The following APOO variants were observed in gnomAD, a reference collection of about 807,000 sequenced individuals.
The protein encoded by APOO is MICOS complex subunit MIC26.
A neutral mutation model predicts 23.1 loss-of-function variants in APOO; 11 were observed. The ratio of observed to expected loss-of-function variants is 0.48; its 90% confidence interval spans 0.30 to 0.79. APOO has a LOEUF of 0.79. Among genes scored for constraint, APOO ranks in the 30% least tolerant of loss-of-function variants. The pLI is 0.07. For synonymous variants in APOO, 59 were observed against 54.8 expected (o/e 1.08, Z -0.34); for missense variants, 160 against 142.7 (o/e 1.12, Z -0.62).
intron 1 of APOO, among the ~76,000 whole-genome samples, chrX:23,887,087 GT>G (rs1413653571): frequency 9.1e-6 from 1 of 110,194 alleles, no homozygotes; most frequent in Non-Finnish European, 1.9e-5. Flanking sequence ...CTTTCCTCCT[GT>G]TCGCACTCTG....
intron 7 of APOO, among the ~76,000 whole-genome samples, chrX:23,848,852 A>AT (rs773306111): frequency 0.017 from 1,077 of 63,605 alleles, 34 homozygotes; most frequent in African/African-American, 0.027. Context: ...TGCGCGGCTG[A>AT]TTTTTTTTTT....
intron 4 of APOO, among the ~76,000 whole-genome samples, chrX:23,872,334 C>G (rs1448806253): frequency 9.1e-6 from 1 of 109,839 alleles, no homozygotes; most frequent in African/African-American, 3.3e-5. Context: ...GAGGTTGAGG[C>G]TGCAGTGAGC....
At chrX:23,864,296 ATTTG>A (rs911640822) in intron 5 of APOO, among the ~76,000 whole-genome samples, 16 of 100,207 alleles carry the variant, frequency 1.6e-4, no homozygotes, top group Non-Finnish European at 2.2e-4. Flanking sequence ...TACCCGGCTG[ATTTG>A]TTTGTTTGTT....
In APOO at chrX:23,841,486, TAAAAAAAAAA is replaced by T. The variant is rs543879334; in HGVS notation, c.562-1119_562-1110del. Among the ~76,000 whole-genome samples, 4 of 65,080 alleles carry T rather than the reference TAAAAAAAAAA, an allele frequency of 6.1e-5. 1 individual carries two copies. Among genetic ancestry groups the T allele is most frequent in the South Asian group, 1.7e-3 (2 of 1,166 alleles). 56.5% of individuals were successfully genotyped at this position (65,080 alleles called of 115,157 possible). A position where few individuals can be genotyped will look rare whatever the true frequency, so the allele number is the denominator to read the frequency against. On this transcript the variant is annotated intron_variant, in intron 7 of 8. Transcript: ENST00000379226. ...CTTGGGCAACATAGAAAAAGAAGTT[TAAAAAAAAAA>T]AAAAAAAAAAAAAGAGTATCCTGGT...
intron 1 of APOO, among the ~76,000 whole-genome samples, chrX:23,889,572 C>T (rs1163102533): frequency 4.6e-5 from 5 of 109,788 alleles, no homozygotes; most frequent in Non-Finnish European, 9.5e-5. Flanking sequence ...TATTAGACTT[C>T]CATTTATAAT....
At chrX:23,872,473 C>T (rs927018663) in intron 4 of APOO, among the ~76,000 whole-genome samples, 1 of 105,700 alleles carries the variant, frequency 9.5e-6, no homozygotes, top group African/African-American at 3.5e-5. Flanking sequence ...CTAGTTTCCT[C>T]GGATAAAAAT....
chrX:23,862,230 C>G (rs1925085650), intron 5 of APOO, among the ~76,000 whole-genome samples: 1 of 110,960 alleles, frequency 9.0e-6, no homozygotes, highest in Non-Finnish European at 1.9e-5. Flanking sequence ...CAAAACAAAA[C>G]TAAACCTATT....
At chrX:23,846,628 CAAAAAAA>C (rs59513332) in intron 7 of APOO, among the ~76,000 whole-genome samples, 2 of 40,373 alleles carry the variant, frequency 5.0e-5, no homozygotes, top group Non-Finnish European at 9.9e-5. Flanking sequence ...GACTCCATCT[CAAAAAAA>C]AAAAAAAAAA....
At chrX:23,879,542 C>T (rs1285165734) in intron 2 of APOO, among the ~76,000 whole-genome samples, 1 of 112,568 alleles carries the variant, frequency 8.9e-6, no homozygotes, top group African/African-American at 3.2e-5. Flanking sequence ...ATCAACGAGG[C>T]CAAGGCCAAA....
chrX:23,852,355 T>C (rs1406015867), intron 7 of APOO, among the ~76,000 whole-genome samples: 22 of 110,599 alleles, frequency 2.0e-4, no homozygotes, highest in African/African-American at 6.9e-4. Context: ...TCCCAGCACT[T>C]TGGGAGGCCG....
In APOO at chrX:23,907,747, C is replaced by T; in HGVS notation, c.-45G>A. On this transcript the variant is annotated 5_prime_UTR_variant, in exon 1 of 9. Transcript: ENST00000379226. ...CCGGCAGGGTCACCCCGGCCTCGGC[C>T]ACGCCCACTATAGAGAGGTGACTAC... 1 of 1,156,532 alleles carries T rather than the reference C, an allele frequency of 8.6e-7. No individual in the cohort carries two copies. Among genetic ancestry groups the T allele is most frequent in the Non-Finnish European group, 1.2e-6 (1 of 868,286 alleles).
At chrX:23,889,913 G>C (rs990350124) in intron 1 of APOO, among the ~76,000 whole-genome samples, 1 of 109,787 alleles carries the variant, frequency 9.1e-6, no homozygotes, top group Non-Finnish European at 1.9e-5. Flanking sequence ...CGCCCACCTC[G>C]GCCTCCCAAA....
chrX:23,857,337 T>A (rs941131646), intron 6 of APOO, among the ~76,000 whole-genome samples: 1 of 110,741 alleles, frequency 9.0e-6, no homozygotes, highest in Admixed American at 9.7e-5. Flanking sequence ...CTCTCCACTC[T>A]AGCTATTTAC....
At chrX:23,889,885 T>A (rs1440863526) in intron 1 of APOO, among the ~76,000 whole-genome samples, 1 of 109,745 alleles carries the variant, frequency 9.1e-6, no homozygotes, top group African/African-American at 3.3e-5. Context: ...ATGGTCTCAA[T>A]CTTCTGACCT....
At chrX:23,889,631 A>T (rs1269356170) in intron 1 of APOO, among the ~76,000 whole-genome samples, 1 of 102,998 alleles carries the variant, frequency 9.7e-6, no homozygotes, top group African/African-American at 3.6e-5. Flanking sequence ...TGTACACAAG[A>T]GGTTTCAGAA....
chrX:23,870,886 C>G (rs911459383), intron 4 of APOO, among the ~76,000 whole-genome samples: 3 of 110,648 alleles, frequency 2.7e-5, no homozygotes, highest in Non-Finnish European at 5.7e-5. Context: ...GTCAGGAATT[C>G]GAGACCAGCT....
intron 8 of APOO, among the ~76,000 whole-genome samples, chrX:23,835,753 T>C (rs1357710487): frequency 9.1e-6 from 1 of 110,199 alleles, no homozygotes; most frequent in African/African-American, 3.3e-5. Context: ...CTAAGTCTAA[T>C]TAAGCCTTCG....
intron 1 of APOO, among the ~76,000 whole-genome samples, chrX:23,887,392 T>A (rs750887606): frequency 1.8e-5 from 2 of 108,409 alleles, no homozygotes; most frequent in Non-Finnish European, 1.9e-5. Flanking sequence ...CGCCACCACA[T>A]GCGGCTAATT....
chrX:23,907,685 C>T lies in APOO; in HGVS notation c.9+9G>A, dbSNP rs1417443278. Reference sequence around the variant, plus strand: ...CGGTGACAGCTGTGACTCGACTCCACGCTCTCACCTTGAACATGTCGCTGG... The same window carrying T: ...CGGTGACAGCTGTGACTCGACTCCATGCTCTCACCTTGAACATGTCGCTGG... On this transcript the variant is annotated intron_variant, in intron 1 of 8. Transcript: ENST00000379226. The T allele has an allele frequency of 2.6e-6, 3 of 1,157,699 alleles. No homozygotes were observed. Among genetic ancestry groups the T allele is most frequent in the South Asian group, 2.0e-5 (1 of 50,736 alleles).
Sources: gnomAD v4.1 joint callset for allele counts (sites outside exome capture counted in the v4.1 genomes callset) on GRCh38, gnomAD v4.1.1 for gene constraint, MANE v1.5 for transcripts, NCBI Gene and HGNC (gene_info 2026-07-23, HGNC 2026-07-21) for gene names.